The following SLC29A1 variants were observed in gnomAD, a reference collection of about 807,000 sequenced individuals.
SLC29A1 encodes the protein equilibrative nucleoside transporter 1.
In SLC29A1, 22 loss-of-function variants were observed where a neutral mutation model predicts 48.3. The ratio of observed to expected loss-of-function variants is 0.46; its 90% CI spans 0.33 to 0.65. The LOEUF (loss-of-function observed/expected upper bound fraction) is 0.65, where lower values mean the gene tolerates loss of function less well. Among genes scored for constraint, SLC29A1 ranks in the 30% least tolerant of loss-of-function variants. The probability of loss-of-function intolerance (pLI) is 0.03; values close to 1 mark genes in which losing one functional copy is unlikely to be tolerated. For synonymous variants in SLC29A1, 228 were observed against 231.0 expected (o/e 0.99, Z 0.12); for missense variants, 491 against 575.3 (o/e 0.85, Z 1.50).
At chr6:44,225,618 C>A (rs1457808372) in intron 1 of SLC29A1, 1 of 152,202 alleles carries the variant, frequency 6.6e-6, no homozygotes, top group East Asian at 1.9e-4. Context: ...TGATTATTCA[C>A]CCCTCGTGCC....
Position 44,232,764 on chromosome 6 carries a change from C to T in SLC29A1, c.1060-43C>T, listed in dbSNP as rs202228577. The stretch of plus-strand genomic sequence containing the variant: ...GGATCCTTGGGGGCCTGGCTGTGCC[C>T]TGGGGTGGCGGCCTGGGCTGAGGCC... On this transcript the variant is annotated intron_variant, in intron 11 of 12. Coordinates refer to ENST00000371755, the MANE Select transcript of SLC29A1 (RefSeq NM_001372327.1). The surrounding 1 kb of genome is among the most constrained non-coding windows in gnomAD (Gnocchi z 4.7). The T allele has an allele frequency of 1.8e-3, 2,818 of 1,587,500 alleles. 10 individuals carry two copies. Among genetic ancestry groups the T allele is most frequent in the Non-Finnish European group, 1.8e-3 (2,055 of 1,167,766 alleles).
rs1325302405 is a variant in SLC29A1 at position 44,229,765 on chromosome 6, C to T, written c.288C>T (p.Thr96=). 1.2e-6 allele frequency: 2 copies of T among 1,613,896 alleles called. No homozygotes were observed. Among genetic ancestry groups the T allele is most frequent in the Admixed American group, 1.7e-5 (1 of 60,016 alleles). ...LCAMLPLLLF[T]YLNSFLHQRI... is the part of the protein sequence containing the mutation. ...CCATGCTGCCCCTGCTGTTATTCACCTACCTCAACTCCTTCCTGCATCAGA... is the reference window on the plus strand; with the variant it reads ...CCATGCTGCCCCTGCTGTTATTCACTTACCTCAACTCCTTCCTGCATCAGA... Residue 96 remains threonine, a synonymous_variant, in exon 4 of 13, where the codon ACC becomes ACT. Transcript: ENST00000371755. The surrounding 1 kb of genome is among the most constrained non-coding windows in gnomAD (Gnocchi z 5.1).
At chr6:44,223,117 G>A (rs749152948), upstream of SLC29A1, among the ~76,000 whole-genome samples, 6 of 151,996 alleles carry the variant, frequency 3.9e-5, no homozygotes, top group Non-Finnish European at 5.9e-5. The surrounding 1 kb of genome is among the most constrained non-coding windows in gnomAD (Gnocchi z 5.0). Flanking sequence ...AAGAAAGAAG[G>A]GGGCGCTGAA....
At position 44,233,610 on chromosome 6, in the gene SLC29A1, G is replaced by A. The variant is rs1010497330; in HGVS notation, c.*82G>A. On this transcript the variant is annotated 3_prime_UTR_variant, in exon 13 of 13. Coordinates refer to ENST00000371755, the MANE Select transcript of SLC29A1 (RefSeq NM_001372327.1). ...CTTCTGCCAGGGGTGATCCTGAGTG[G>A]TCTGGCGGTTTTTTCTTCTAACTGA... 6.0e-6 allele frequency: 7 copies of A among 1,169,876 alleles called. No individual in the cohort carries two copies. In the African/African-American group the frequency reaches 1.1e-4, roughly 18 times the overall value. 72.5% of individuals were successfully genotyped at this position (1,169,876 alleles called of 1,614,324 possible).
At position 44,232,936 on chromosome 6, in the gene SLC29A1, A is replaced by G. The variant is rs767738908; in HGVS notation, c.1189A>G (p.Ile397Val). 2.5e-6 allele frequency: 4 copies of G among 1,614,168 alleles called. No individual in the cohort carries two copies. The highest frequency in any genetic ancestry group is 1.7e-5 in the Admixed American group (1 of 60,028). ...TVVFEHDAWF[I>V]FFMAAFAFSN... is the part of the protein sequence containing the mutation. Reference sequence around the variant, plus strand: ...GGTCTTCGAGCACGATGCCTGGTTCATCTTCTTCATGGCTGCCTTTGCCTT... The same window carrying G: ...GGTCTTCGAGCACGATGCCTGGTTCGTCTTCTTCATGGCTGCCTTTGCCTT... The change falls in exon 12 of 13, where the codon ATC (isoleucine) becomes GTC (valine). Residue 397 changes from isoleucine to valine, a missense_variant. By Grantham distance (29) the Ile-to-Val change is conservative. Transcript: ENST00000371755. This position sits in a 1 kb window ranked among gnomAD's most constrained non-coding sequence, Gnocchi z 4.7.
intron 1 of SLC29A1, among the ~76,000 whole-genome samples, chr6:44,224,373 G>A (rs1309231786): frequency 6.6e-6 from 1 of 151,658 alleles, no homozygotes; most frequent in African/African-American, 2.4e-5. Context: ...TGTGTGTGAT[G>A]GGGCGGGGCT....
At position 44,233,444 on chromosome 6, in the gene SLC29A1, C is replaced by G. The variant is rs376950556; in HGVS notation, c.1287C>G (p.Thr429=). The G allele has an allele frequency of 6.2e-7, 1 of 1,613,910 alleles. No homozygotes were observed. The highest frequency in any genetic ancestry group is 1.3e-5 in the African/African-American group (1 of 74,894). The change falls in exon 13 of 13, where the codon ACC becomes ACG. Residue 429 remains threonine, a synonymous_variant. Transcript: ENST00000371755. ...AAGTGAAGCCAGCTGAGGCAGAGAC[C>G]GCAGGAGCCATCATGGCCTTCTTCC... The part of the protein sequence containing the change: ...PKKVKPAEAE[T]AGAIMAFFLC...
chr6:44,226,117 T>C, intron 1 of SLC29A1: 1 of 985,410 alleles, frequency 1.0e-6, no homozygotes, highest in Non-Finnish European at 1.2e-6. Flanking sequence ...TCCTAGGGAC[T>C]GCCCAGGCTT....
chr6:44,224,022 A>C lies in SLC29A1; in HGVS notation c.-52+381A>C, dbSNP rs903835064. On this transcript the variant is annotated intron_variant, in intron 1 of 12. Coordinates refer to ENST00000371755, the MANE Select transcript of SLC29A1 (RefSeq NM_001372327.1). ...GAGGGGTATGGGGATGGGGATGGGGATGGAGGCTCGCGAGCGGAGGTGCAG... is the reference window on the plus strand; with the variant it reads ...GAGGGGTATGGGGATGGGGATGGGGCTGGAGGCTCGCGAGCGGAGGTGCAG... The C allele has an allele frequency of 3.4e-5, 26 of 757,046 alleles. No homozygotes were observed. In the African/African-American group the frequency reaches 4.8e-4, roughly 14 times the overall value. 46.9% of individuals were successfully genotyped at this position (757,046 alleles called of 1,614,324 possible). A position where few individuals can be genotyped will look rare whatever the true frequency, so the allele number is the denominator to read the frequency against.
rs1160898128 is a variant in SLC29A1 at position 44,232,365 on chromosome 6, C to T, written c.996C>T (p.Ser332=). The change falls in exon 11 of 13, where the codon TCC becomes TCT. Residue 332 remains serine (S), a synonymous_variant. Coordinates refer to ENST00000371755, the MANE Select transcript of SLC29A1 (RefSeq NM_001372327.1). This position sits in a 1 kb window ranked among gnomAD's most constrained non-coding sequence, Gnocchi z 4.7. ...STWERYFIPV[S]CFLTFNIFDW... Reference sequence around the variant, plus strand: ...CAGAACGTTACTTCATTCCTGTGTCCTGTTTCTTGACTTTCAATATCTTTG... The same window carrying T: ...CAGAACGTTACTTCATTCCTGTGTCTTGTTTCTTGACTTTCAATATCTTTG... The T allele has an allele frequency of 2.5e-6, 4 of 1,613,370 alleles. No homozygotes were observed. The highest frequency in any genetic ancestry group is 3.4e-6 in the Non-Finnish European group (4 of 1,179,346).
At position 44,232,839 on chromosome 6, in the gene SLC29A1, G is replaced by A. The variant is rs1232107447; in HGVS notation, c.1092G>A (p.Leu364=). The stretch of plus-strand genomic sequence containing the variant: ...AGGACAGCCGCTGGCTGCCAAGCCT[G>A]GTGCTGGCCCGGCTGGTGTTTGTGC... ...PGKDSRWLPS[L]VLARLVFVPL... is the part of the protein sequence containing the mutation. The change falls in exon 12 of 13, where the codon CTG becomes CTA. Residue 364 remains leucine, a synonymous_variant. Transcript: ENST00000371755. This position sits in a 1 kb window ranked among gnomAD's most constrained non-coding sequence, Gnocchi z 4.7. The A allele has an allele frequency of 2.5e-6, 4 of 1,613,116 alleles. No individual in the cohort carries two copies. In the African/African-American group the frequency reaches 4.0e-5, roughly 16 times the overall value.
At chr6:44,231,832 C>G (rs114905712) in intron 9 of SLC29A1, among the ~76,000 whole-genome samples, 166 bp from the exon 10 acceptor site, 1 of 152,142 alleles carries the variant, frequency 6.6e-6, no homozygotes, top group Non-Finnish European at 1.5e-5. Flanking sequence ...TTCACCAGGT[C>G]AAGCTGGTCT....
intron 1 of SLC29A1, among the ~76,000 whole-genome samples, chr6:44,224,953 CAA>C (rs1437378467): frequency 6.6e-6 from 1 of 152,108 alleles, no homozygotes; most frequent in Non-Finnish European, 1.5e-5. Flanking sequence ...GAATTGTGCC[CAA>C]GACTGGTATG....
chr6:44,223,495 G>A, upstream of SLC29A1: 3 of 1,028,126 alleles, frequency 2.9e-6, no homozygotes, highest in African/African-American at 1.7e-5. This position sits in a 1 kb window ranked among gnomAD's most constrained non-coding sequence, Gnocchi z 5.0. Context: ...GTGGGCCGGG[G>A]GCGGGGCCGC....
chr6:44,233,390 T>C, intron 12 of SLC29A1, 27 bp from the exon 13 acceptor site: 2 of 1,581,760 alleles, frequency 1.3e-6, no homozygotes, highest in Non-Finnish European at 1.7e-6. Context: ...CATTCTGAGG[T>C]AGCCTTGCCC....
In SLC29A1 at chr6:44,232,917, C is replaced by T. The variant is rs149112529; in HGVS notation, c.1170C>T (p.Phe390=). The stretch of plus-strand genomic sequence containing the variant: ...CCCGCCGCTACCTGACTGTGGTCTT[C>T]GAGCACGATGCCTGGTTCATCTTCT... The part of the protein sequence containing the change: ...IKPRRYLTVV[F]EHDAWFIFFM... Residue 390 remains phenylalanine (F), a synonymous_variant, in exon 12 of 13, where the codon TTC becomes TTT. Transcript: ENST00000371755. This position sits in a 1 kb window ranked among gnomAD's most constrained non-coding sequence, Gnocchi z 4.7. The T allele has an allele frequency of 1.5e-5, 25 of 1,614,174 alleles. No homozygotes were observed. Among genetic ancestry groups the T allele is most frequent in the South Asian group, 9.9e-5 (9 of 91,086 alleles).
At position 44,233,002 on chromosome 6, in the gene SLC29A1, C is replaced by A; in HGVS notation, c.1255C>A (p.Pro419Thr). The change falls in exon 12 of 13, where the codon CCC (proline) becomes ACC (threonine). Residue 419 changes from proline to threonine, a missense_variant. Coordinates refer to ENST00000371755, the MANE Select transcript of SLC29A1 (RefSeq NM_001372327.1). Reference sequence around the variant, plus strand: ...CGCCAGCCTCTGCATGTGCTTCGGGCCCAAGTGAGTAGGGCTGGCAGGGAA... The same window carrying A: ...CGCCAGCCTCTGCATGTGCTTCGGGACCAAGTGAGTAGGGCTGGCAGGGAA... Reference protein sequence around the residue: ...YLASLCMCFGPKKVKPAEAET... With the variant: ...YLASLCMCFGTKKVKPAEAET... 6.2e-7 allele frequency: 1 copy of A among 1,612,292 alleles called. No individual in the cohort carries two copies. The highest frequency in any genetic ancestry group is 8.5e-7 in the Non-Finnish European group (1 of 1,180,010).
In SLC29A1 at chr6:44,233,539, A is replaced by G; in HGVS notation, c.*11A>G. On this transcript the variant is annotated 3_prime_UTR_variant, in exon 13 of 13. Coordinates refer to ENST00000371755, the MANE Select transcript of SLC29A1 (RefSeq NM_001372327.1). Reference sequence around the variant, plus strand: ...CGGGCAATTGTGTGACAAAGGATGGACAGAAGGACTGCCTGCCTCCCTCCC... The same window carrying G: ...CGGGCAATTGTGTGACAAAGGATGGGCAGAAGGACTGCCTGCCTCCCTCCC... 6.3e-7 allele frequency: 1 copy of G among 1,596,902 alleles called. No homozygotes were observed. The highest frequency in any genetic ancestry group is 8.6e-7 in the Non-Finnish European group (1 of 1,164,452).
chr6:44,219,784 T>A, upstream of SLC29A1: 1 of 1,200,526 alleles, frequency 8.3e-7, no homozygotes, highest in Non-Finnish European at 1.1e-6. Flanking sequence ...TCTCAGCAGG[T>A]GCGCGGGGCG....
Sources: gnomAD v4.1 joint callset for allele counts (sites outside exome capture counted in the v4.1 genomes callset) on GRCh38, gnomAD v4.1.1 for gene constraint, Gnocchi (gnomAD v3.1) non-coding constraint, MANE v1.5 for transcripts, NCBI Gene and HGNC (gene_info 2026-07-23, HGNC 2026-07-21) for gene names.